The following USP35 variants were observed in gnomAD, a reference collection of about 807,000 sequenced individuals.
USP35 encodes ubiquitin carboxyl-terminal hydrolase 35.
USP35 carries 69 observed loss-of-function variants against 83.8 expected under a neutral mutation model. That is an observed-to-expected ratio of 0.82 (90% CI 0.68 to 1.01). The LOEUF (loss-of-function observed/expected upper bound fraction) is 1.01, where lower values mean the gene tolerates loss of function less well. Among genes scored for constraint, USP35 ranks in the 50% least tolerant of loss-of-function variants. The pLI is 0.00. For synonymous variants in USP35, 714 were observed against 589.5 expected (o/e 1.21, Z -3.06); for missense variants, 1,503 against 1,362.5 (o/e 1.10, Z -1.62).
chr11:78,200,054 A>G, intron 4 of USP35, 79 bp from the exon 5 acceptor site: 1 of 1,484,884 alleles, frequency 6.7e-7, no homozygotes, highest in Non-Finnish European at 9.4e-7. Context: ...GGTGTCTCTG[A>G]GTCCCCTCTC....
chr11:78,236,904 A>G, the USP35 span, among the ~76,000 whole-genome samples: 2 of 152,216 alleles, frequency 1.3e-5, no homozygotes, highest in Non-Finnish European at 2.9e-5. Flanking sequence ...ACAGACACAT[A>G]TAGATATACA....
chr11:78,199,821 C>G, intron 4 of USP35, 97 bp downstream of exon 4: 2 of 1,576,340 alleles, frequency 1.3e-6, no homozygotes, highest in Non-Finnish European at 1.7e-6. Flanking sequence ...TGGGCCTACC[C>G]ACCAAGCTCG....
the USP35 span, chr11:78,222,234 T>C: frequency 2.3e-6 from 3 of 1,312,576 alleles, no homozygotes; most frequent in Admixed American, 1.7e-5. Flanking sequence ...CAGCCAGTAA[T>C]GATAATGCTA....
chr11:78,211,161 TTC>T (rs759062260), intron 10 of USP35, among the ~76,000 whole-genome samples: 3 of 150,278 alleles, frequency 2.0e-5, no homozygotes, highest in Non-Finnish European at 4.4e-5. Flanking sequence ...TGTCCATGTA[TTC>T]TCATTGTTCA....
In USP35 at chr11:78,196,779, A is replaced by G; in HGVS notation, c.534A>G (p.Pro178=). 1 of 1,533,592 alleles carries G rather than the reference A, an allele frequency of 6.5e-7. No individual in the cohort carries two copies. The allele number at this position is 1,533,592 out of a possible 1,614,324, so 95.0% of individuals were successfully genotyped here. A position where few individuals can be genotyped will look rare whatever the true frequency, so the allele number is the denominator to read the frequency against. The change falls in exon 2 of 11, where the codon CCA becomes CCG. Residue 178 remains proline (P), a synonymous_variant. Transcript: ENST00000529308. The surrounding 1 kb of genome is among the most constrained non-coding windows in gnomAD (Gnocchi z 4.8). Reference sequence around the variant, plus strand: ...GTTGCCTCGGCCGCTTCCGCTGCCCAGCCGAAGGCGAGGAGGGCGCCGTGG... The same window carrying G: ...GTTGCCTCGGCCGCTTCCGCTGCCCGGCCGAAGGCGAGGAGGGCGCCGTGG... The part of the protein sequence containing the change: ...LVRCLGRFRC[P]AEGEEGAVEF...
the USP35 span, among the ~76,000 whole-genome samples, chr11:78,231,542 G>A: frequency 6.6e-6 from 1 of 152,188 alleles, no homozygotes; most frequent in Non-Finnish European, 1.5e-5. Flanking sequence ...TAGAGACGGG[G>A]TTTCATCATA....
In USP35 at chr11:78,209,977, A is replaced by AAAGAGGAGGAGGTGG; in HGVS notation, c.2130_2144dup (p.Val712_Glu716dup). 6.2e-7 allele frequency: 1 copy of AAAGAGGAGGAGGTGG among 1,611,916 alleles called. No homozygotes were observed. The highest frequency in any genetic ancestry group is 8.5e-7 in the Non-Finnish European group (1 of 1,179,194). ...CACCAGAGGGGAAGGAGAGAGGGAG[A>AAAGAGGAGGAGGTGG]AAGAGGAGGAGGTGGAAGAGGAAGA... On this transcript the variant is annotated inframe_insertion, in exon 10 of 11. Coordinates refer to ENST00000529308, the MANE Select transcript of USP35 (RefSeq NM_020798.4).
chr11:78,219,285 C>A, downstream of USP35: 1 of 1,613,492 alleles, frequency 6.2e-7, no homozygotes, highest in Non-Finnish European at 8.5e-7. Context: ...CAGCTTGGCA[C>A]CCTTGGAAGG....
intron 1 of USP35, among the ~76,000 whole-genome samples, chr11:78,189,663 G>A (rs2137017355): frequency 6.6e-6 from 1 of 152,310 alleles, no homozygotes; most frequent in African/African-American, 2.4e-5. Flanking sequence ...GAAAGCTTGG[G>A]GTGGAGTGCG....
chr11:78,226,944 C>T, the USP35 span: 1 of 1,613,740 alleles, frequency 6.2e-7, no homozygotes, highest in Non-Finnish European at 8.5e-7. Context: ...ATGGACTTGA[C>T]CACTGATCCC....
At chr11:78,222,253 C>T in the USP35 span, 3 of 1,058,360 alleles carry the variant, frequency 2.8e-6, no homozygotes, top group South Asian at 1.3e-5. Context: ...TACACATACA[C>T]ACCTTATATA....
At chr11:78,202,334 A>C (rs769056830) in intron 6 of USP35, among the ~76,000 whole-genome samples, 2 of 152,236 alleles carry the variant, frequency 1.3e-5, no homozygotes, top group African/African-American at 2.4e-5. Flanking sequence ...AATAGACATC[A>C]GGGAAACTTT....
chr11:78,229,593 G>T, the USP35 span, among the ~76,000 whole-genome samples: 5 of 152,134 alleles, frequency 3.3e-5, no homozygotes, highest in Non-Finnish European at 7.4e-5. Flanking sequence ...TTTCTGCCCA[G>T]GGCCTCTCTG....
chr11:78,207,808 C>G (rs1173815716), intron 8 of USP35, among the ~76,000 whole-genome samples, 185 bp downstream of exon 8: 1 of 152,240 alleles, frequency 6.6e-6, no homozygotes, highest in South Asian at 2.1e-4. Context: ...AGAAGGCGGG[C>G]CCCCTTGAGC....
chr11:78,214,887 T>TG lies in USP35; in HGVS notation c.*1074_*1075insG, dbSNP rs761851374. On this transcript the variant is annotated 3_prime_UTR_variant, in exon 11 of 11. Coordinates refer to ENST00000529308, the MANE Select transcript of USP35 (RefSeq NM_020798.4). Reference sequence around the variant, plus strand: ...AAGTAAACGTGTGGACTGACTGACTTACTTACCTTACTGAGGGCTGGGTGA... The same window carrying TG: ...AAGTAAACGTGTGGACTGACTGACTTGACTTACCTTACTGAGGGCTGGGTGA... 8.4e-5 allele frequency among the ~76,000 whole-genome samples: 7 copies of TG among 83,294 alleles called. No homozygotes were observed. Among genetic ancestry groups the TG allele is most frequent in the Non-Finnish European group, 1.3e-4 (6 of 46,646 alleles). 54.6% of individuals were successfully genotyped at this position (83,294 alleles called of 152,430 possible). A position where few individuals can be genotyped will look rare whatever the true frequency, so the allele number is the denominator to read the frequency against.
intron 2 of USP35, among the ~76,000 whole-genome samples, chr11:78,197,346 C>T (rs537753002): frequency 6.6e-6 from 1 of 151,974 alleles, no homozygotes; most frequent in African/African-American, 2.4e-5. Context: ...GGGCAAGGTT[C>T]CCTGGGTAGG....
chr11:78,194,555 T>C (rs1235487971), intron 1 of USP35, among the ~76,000 whole-genome samples: 1 of 152,216 alleles, frequency 6.6e-6, no homozygotes, highest in African/African-American at 2.4e-5. Flanking sequence ...GAAATGGTTC[T>C]GCGCTCCAGG....
At chr11:78,226,984 G>A in the USP35 span, 3 of 1,613,722 alleles carry the variant, frequency 1.9e-6, no homozygotes, top group African/African-American at 4.0e-5. Context: ...CCCTGGGCAA[G>A]TTTTTGTACA....
chr11:78,227,933 T>A, the USP35 span, among the ~76,000 whole-genome samples: 1 of 152,196 alleles, frequency 6.6e-6, no homozygotes, highest in Non-Finnish European at 1.5e-5. Context: ...GACCTAGAAA[T>A]CTATATGAAG....
Sources: allele counts gnomAD v4.1 joint callset (sites outside exome capture counted in the v4.1 genomes callset), GRCh38; gene constraint gnomAD v4.1.1; non-coding constraint Gnocchi (gnomAD v3.1); transcripts MANE v1.5; gene names NCBI Gene and HGNC (gene_info 2026-07-23, HGNC 2026-07-21).